Variants in ZNF385D observed in about 807,000 individuals in gnomAD.
ZNF385D encodes zinc finger protein 385D, also known as zinc finger protein 659.
A neutral mutation model predicts 35.8 loss-of-function variants in ZNF385D; 15 were observed. The ratio of observed to expected loss-of-function variants is 0.42; its 90% CI spans 0.28 to 0.64. ZNF385D has a LOEUF of 0.64. Ranked by LOEUF, ZNF385D falls within the 30% of genes least tolerant of loss-of-function variation. The pLI is 0.23. For synonymous variants in ZNF385D, 212 were observed against 186.8 expected, an observed-to-expected ratio of 1.13 and a Z score of -1.10; for missense variants, 474 against 494.6, an observed-to-expected ratio of 0.96 and a Z score of 0.39.
At chr3:22,163,320 A>G (rs913231431) in intron 3 of ZNF385D, among the ~76,000 whole-genome samples, 6 of 152,134 alleles carry the variant, frequency 3.9e-5, no homozygotes, top group African/African-American at 1.4e-4. Flanking sequence ...ATATACCTTT[A>G]TTTCTGCATA....
chr3:22,130,508 G>A (rs1053217804), intron 3 of ZNF385D, among the ~76,000 whole-genome samples: 8 of 152,112 alleles, frequency 5.3e-5, no homozygotes, highest in African/African-American at 9.7e-5. Context: ...CTTGGGTAGC[G>A]CTGGTCTAAA....
chr3:22,096,883 T>A (rs372502213), intron 3 of ZNF385D, among the ~76,000 whole-genome samples: 74 of 152,224 alleles, frequency 4.9e-4, no homozygotes, highest in African/African-American at 1.7e-3. Context: ...GATTTGTGAC[T>A]GATTGACCAA....
intron 3 of ZNF385D, among the ~76,000 whole-genome samples, chr3:21,563,528 T>A (rs1355495700): frequency 6.6e-6 from 1 of 152,208 alleles, no homozygotes; most frequent in Non-Finnish European, 1.5e-5. Flanking sequence ...AGGAATAAAC[T>A]ATTTTGTTTA....
intron 3 of ZNF385D, among the ~76,000 whole-genome samples, chr3:21,767,863 A>C (rs763912202): frequency 4.6e-5 from 7 of 152,154 alleles, no homozygotes; most frequent in Non-Finnish European, 1.0e-4. Context: ...ATAAAGCACA[A>C]GAATGCATGT....
Position 22,027,893 on chromosome 3 carries a change from G to T in ZNF385D, c.325+140924C>A, listed in dbSNP as rs550023795. On this transcript the variant is annotated intron_variant, in intron 3 of 5. Coordinates refer to the ZNF385D transcript ENST00000494108. Reference sequence around the variant, plus strand: ...TAGGGCCTGGTTCACAGATGGTTCTGCACTATATGCAGGCACTACCAAAAG... The same window carrying T: ...TAGGGCCTGGTTCACAGATGGTTCTTCACTATATGCAGGCACTACCAAAAG... Among the ~76,000 whole-genome samples, 523 of 152,270 alleles carry T rather than the reference G, an allele frequency of 3.4e-3. 4 individuals are homozygous for T. The highest frequency in any genetic ancestry group is 4.5e-3 in the Non-Finnish European group (307 of 68,030).
intron 1 of ZNF385D, among the ~76,000 whole-genome samples, chr3:21,737,170 C>T (rs2069284538): frequency 6.6e-6 from 1 of 152,170 alleles, no homozygotes; most frequent in South Asian, 2.1e-4. Context: ...GAACTCCTGA[C>T]CTCAAGTGAT....
chr3:21,739,094 C>T (rs764665876), intron 1 of ZNF385D, among the ~76,000 whole-genome samples: 6 of 152,298 alleles, frequency 3.9e-5, no homozygotes, highest in Non-Finnish European at 8.8e-5. Flanking sequence ...GTGAGGGAAT[C>T]GGCTTTCCTG....
At position 21,694,042 on chromosome 3, in the gene ZNF385D, CTTTTTTTTTTT is replaced by C. The variant is rs35586361; in HGVS notation, c.23-29025_23-29015del. Among the ~76,000 whole-genome samples, 10 of 22,178 alleles carry C rather than the reference CTTTTTTTTTTT, an allele frequency of 4.5e-4. 3 individuals are homozygous for C. 14.5% of individuals were successfully genotyped at this position (22,178 alleles called of 152,430 possible). A position where few individuals can be genotyped will look rare whatever the true frequency, so the allele number is the denominator to read the frequency against. On this transcript the variant is annotated intron_variant, in intron 1 of 7. Transcript: ENST00000281523. ...TACAGGCGCGTGCCACTACGCCTGG[CTTTTTTTTTTT>C]TTTTTTTTGAGACAGAGTCTCGCTC...
chr3:21,701,715 G>A (rs919838388), intron 1 of ZNF385D, among the ~76,000 whole-genome samples: 1 of 152,122 alleles, frequency 6.6e-6, no homozygotes, highest in Non-Finnish European at 1.5e-5. Context: ...TACAATAGGG[G>A]TACAGGTATT....
intron 3 of ZNF385D, among the ~76,000 whole-genome samples, chr3:21,802,129 ATT>A (rs1481803419): frequency 6.6e-6 from 1 of 152,170 alleles, no homozygotes; most frequent in African/African-American, 2.4e-5. Context: ...AGATGGAGAC[ATT>A]TTGCATAAAA....
At chr3:21,949,575 CT>C (rs1701964582) in intron 3 of ZNF385D, among the ~76,000 whole-genome samples, 1 of 93,862 alleles carries the variant, frequency 1.1e-5, no homozygotes, top group Non-Finnish European at 2.1e-5. Flanking sequence ...TTTTTTAATA[CT>C]TTTAAGTTCT....
At chr3:22,237,103 G>A (rs1699228383) in intron 2 of ZNF385D, among the ~76,000 whole-genome samples, 1 of 152,170 alleles carries the variant, frequency 6.6e-6, no homozygotes, top group South Asian at 2.1e-4. Context: ...CTGCCAAACT[G>A]ATTTCCAAAG....
chr3:22,200,598 A>G (rs1191153308), intron 2 of ZNF385D, among the ~76,000 whole-genome samples: 1 of 152,088 alleles, frequency 6.6e-6, no homozygotes, highest in African/African-American at 2.4e-5. Flanking sequence ...TCTTATCAGG[A>G]GACAGGGTTT....
At chr3:21,615,719 G>A (rs1430785454) in intron 2 of ZNF385D, among the ~76,000 whole-genome samples, 1 of 151,154 alleles carries the variant, frequency 6.6e-6, no homozygotes, top group African/African-American at 2.4e-5. Context: ...TAGGGTTGCA[G>A]GTGGCTAAAC....
chr3:21,421,727 T>C (rs1335605113), intron 7 of ZNF385D, among the ~76,000 whole-genome samples: 12 of 152,184 alleles, frequency 7.9e-5, no homozygotes, highest in African/African-American at 2.9e-4. Flanking sequence ...AAATTATATT[T>C]CCAGAGGAAA....
At chr3:22,273,870 C>A (rs1701296741) in intron 2 of ZNF385D, among the ~76,000 whole-genome samples, 1 of 151,766 alleles carries the variant, frequency 6.6e-6, no homozygotes, top group Non-Finnish European at 1.5e-5. Context: ...TCAGGAAAGG[C>A]AAAAAGGTGT....
At chr3:21,893,243 C>T (rs551635624) in intron 3 of ZNF385D, among the ~76,000 whole-genome samples, 3 of 152,240 alleles carry the variant, frequency 2.0e-5, no homozygotes, top group African/African-American at 2.4e-5. Flanking sequence ...GGATTGTCAT[C>T]GTACCTCATC....
At chr3:22,173,944 T>C (rs1350661991) in intron 2 of ZNF385D, among the ~76,000 whole-genome samples, 6 of 152,010 alleles carry the variant, frequency 3.9e-5, no homozygotes, top group African/African-American at 1.4e-4. Flanking sequence ...ACCAACCCAC[T>C]AACAAAAAAT....
chr3:21,715,303 T>C (rs1218891537), intron 1 of ZNF385D, among the ~76,000 whole-genome samples: 1 of 152,060 alleles, frequency 6.6e-6, no homozygotes, highest in Non-Finnish European at 1.5e-5. Flanking sequence ...ACCAATGGTG[T>C]TCACCTTTTT....
Sources: allele counts gnomAD v4.1 joint callset (sites outside exome capture counted in the v4.1 genomes callset), GRCh38; gene constraint gnomAD v4.1.1; transcripts MANE v1.5; gene names NCBI Gene and HGNC (gene_info 2026-07-23, HGNC 2026-07-21).